The following TMEM67 variants were observed in gnomAD, a reference collection of about 807,000 sequenced individuals.
TMEM67 encodes transmembrane protein 67, also known as meckelin.
Under a neutral mutation model 136.6 loss-of-function variants are expected in TMEM67, and 124 were observed. The observed-to-expected ratio is 0.91, with a 90% CI of 0.78 to 1.05. TMEM67 has a LOEUF of 1.05. TMEM67 is among the 50% of genes least tolerant of loss of function. The pLI is 0.00. For synonymous variants in TMEM67, 364 were observed against 390.5 expected (o/e 0.93, Z 0.80); for missense variants, 1,107 against 1,178.4 (o/e 0.94, Z 0.89).
rs935172963 is a variant in TMEM67 at position 93,772,665 on chromosome 8, T to G, written c.714+14T>G. The G allele has an allele frequency of 6.2e-7, 1 of 1,601,272 alleles. No individual in the cohort carries two copies. Among genetic ancestry groups the G allele is most frequent in the African/African-American group, 1.3e-5 (1 of 74,586 alleles). On this transcript the variant is annotated intron_variant, in intron 7 of 27. Transcript: ENST00000453321. ...GCTGCATGTTGGGTAAGTTTGAATTTTTTAAATAAATTTCATTTTATTTTG... is the reference window on the plus strand; with the variant it reads ...GCTGCATGTTGGGTAAGTTTGAATTGTTTAAATAAATTTCATTTTATTTTG...
At chr8:93,813,261 C>T (rs1414267734) in intron 26 of TMEM67, among the ~76,000 whole-genome samples, 1 of 152,168 alleles carries the variant, frequency 6.6e-6, no homozygotes, top group East Asian at 1.9e-4. Context: ...TCACTGCAAC[C>T]TCCGCCTCCC....
At chr8:93,825,445 A>G in the TMEM67 span, among the ~76,000 whole-genome samples, 2 of 152,214 alleles carry the variant, frequency 1.3e-5, no homozygotes, top group Non-Finnish European at 2.9e-5. Context: ...CACCTTATTC[A>G]TGGTATTGTT....
chr8:93,772,384 C>T (rs1813365124), intron 6 of TMEM67, among the ~76,000 whole-genome samples: 1 of 152,026 alleles, frequency 6.6e-6, no homozygotes, highest in Non-Finnish European at 1.5e-5. Flanking sequence ...CATTTTGTCT[C>T]GTTATATCTT....
chr8:93,820,633 T>G (rs190033625), downstream of TMEM67, among the ~76,000 whole-genome samples: 257 of 152,312 alleles, frequency 1.7e-3, 1 homozygote, highest in African/African-American at 5.1e-3. Flanking sequence ...GTAAAAGAGA[T>G]AAATAGTACC....
chr8:93,810,640 A>G (rs1017463628), intron 26 of TMEM67, among the ~76,000 whole-genome samples: 4 of 152,186 alleles, frequency 2.6e-5, no homozygotes, highest in Non-Finnish European at 4.4e-5. Context: ...AGTTAACCTC[A>G]TGAATTCTTT....
chr8:93,787,971 GC>G (rs772494610), intron 14 of TMEM67, 22 bp downstream of exon 14: 7 of 1,515,216 alleles, frequency 4.6e-6, no homozygotes, highest in Non-Finnish European at 6.4e-6. Flanking sequence ...ACTTATTAGT[GC>G]CCTTGTATGT....
downstream of TMEM67, among the ~76,000 whole-genome samples, chr8:93,819,677 C>CA (rs544071058): frequency 7.5e-4 from 112 of 150,098 alleles, no homozygotes; most frequent in Admixed American, 1.4e-3. Flanking sequence ...TTAAGATAAA[C>CA]AAAAAAAAAC....
chr8:93,825,559 A>G, the TMEM67 span, among the ~76,000 whole-genome samples: 1 of 152,202 alleles, frequency 6.6e-6, no homozygotes, highest in African/African-American at 2.4e-5. Context: ...ATGAAGCATA[A>G]TAGAAGGAAC....
At chr8:93,772,496 C>A in intron 6 of TMEM67, 93 bp from the exon 7 acceptor site, 1 of 916,142 alleles carries the variant, frequency 1.1e-6, no homozygotes, top group Non-Finnish European at 1.8e-6. Context: ...TTTCTACTAA[C>A]ATTGTGAAAG....
At chr8:93,774,060 G>A (rs1046280301) in intron 7 of TMEM67, among the ~76,000 whole-genome samples, 1 of 151,102 alleles carries the variant, frequency 6.6e-6, no homozygotes, top group African/African-American at 2.4e-5. Context: ...TCACCCTGTT[G>A]CACAGGCTGG....
At chr8:93,818,620 A>C (rs917278073), downstream of TMEM67, among the ~76,000 whole-genome samples, 3 of 152,176 alleles carry the variant, frequency 2.0e-5, no homozygotes, top group Non-Finnish European at 4.4e-5. Context: ...GCTTAATGGA[A>C]AGTGCTCCAA....
rs774421791 is a variant in TMEM67 at position 93,759,997 on chromosome 8, A to G, written c.406+1421A>G. The G allele has an allele frequency of 1.1e-5, 16 of 1,513,264 alleles. No homozygotes were observed. The South Asian group carries it at 1.8e-4, about 17-fold the overall frequency. The allele number at this position is 1,513,264 out of a possible 1,614,324, so 93.7% of individuals were successfully genotyped here. A position where few individuals can be genotyped will look rare whatever the true frequency, so the allele number is the denominator to read the frequency against. On this transcript the variant is annotated intron_variant, in intron 3 of 27. Coordinates refer to ENST00000453321, the MANE Select transcript of TMEM67 (RefSeq NM_153704.6). ...TACAACATAATTGAAGAAATTTGTG[A>G]GTATTACTGAGGGATATGAAGGCAG...
the TMEM67 span, among the ~76,000 whole-genome samples, chr8:93,826,990 C>T: frequency 2.0e-5 from 3 of 152,030 alleles, no homozygotes; most frequent in African/African-American, 7.2e-5. Flanking sequence ...CCACCACGCC[C>T]AGCTAATTTT....
chr8:93,787,806 AT>A, intron 13 of TMEM67, 37 bp from the exon 14 acceptor site: 16 of 1,454,748 alleles, frequency 1.1e-5, no homozygotes, highest in Non-Finnish European at 1.4e-5. Flanking sequence ...AAAGGCCCGG[AT>A]ATACTGATTA....
chr8:93,772,593 T>C lies in TMEM67; in HGVS notation c.656T>C (p.Met219Thr), dbSNP rs771300014. 5.0e-6 allele frequency: 8 copies of C among 1,611,970 alleles called. No homozygotes were observed. The highest frequency in any genetic ancestry group is 3.3e-4 in the Middle Eastern group (2 of 6,050). The change falls in exon 7 of 28, where the codon ATG (methionine) becomes ACG (threonine). Residue 219 changes from methionine (M) to threonine (T), a missense_variant. Transcript: ENST00000453321. ...AATGTATCTTTTTGTTTACAGGGCATGTCTTTAACTTCAGAATGGTTTGCA... is the reference window on the plus strand; with the variant it reads ...AATGTATCTTTTTGTTTACAGGGCACGTCTTTAACTTCAGAATGGTTTGCA... ...ISAARYGEVG[M>T]SLTSEWFAKY...
At position 93,815,315 on chromosome 8, in the gene TMEM67, T is replaced by A; in HGVS notation, c.2775T>A (p.Tyr925Ter). The change falls in exon 27 of 28, where the codon TAT (tyrosine) becomes TAA (stop). Residue 925 changes from tyrosine to a stop codon, truncating the protein, a stop_gained. Coordinates refer to ENST00000453321, the MANE Select transcript of TMEM67 (RefSeq NM_153704.6). LOFTEE classifies it high-confidence loss of function. Reference protein sequence around the residue: ...EKSIFYNDEGYSFSSVLYYGN... With the variant: ...EKSIFYNDEG The stretch of plus-strand genomic sequence containing the variant: ...AAATTTTTTTAATAGATGAAGGTTA[T>A]TCTTTCAGCAGTGTCCTGTATTATG... 1 of 1,571,336 alleles carries A rather than the reference T, an allele frequency of 6.4e-7. No individual in the cohort carries two copies. Among genetic ancestry groups the A allele is most frequent in the East Asian group, 2.3e-5 (1 of 44,132 alleles).
At chr8:93,818,852 G>A (rs1200394142), downstream of TMEM67, 1 of 308,732 alleles carries the variant, frequency 3.2e-6, no homozygotes, top group African/African-American at 2.2e-5. Flanking sequence ...ACCCAGGTTG[G>A]AATGCAGTGG....
intron 10 of TMEM67, among the ~76,000 whole-genome samples, chr8:93,781,979 C>T (rs769065300): frequency 1.3e-5 from 2 of 151,316 alleles, no homozygotes; most frequent in Non-Finnish European, 1.5e-5. Flanking sequence ...AGTGCAGTGG[C>T]GCGATCTCAG....
chr8:93,801,423 CAG>C (rs1814865665), intron 21 of TMEM67, among the ~76,000 whole-genome samples: 1 of 147,006 alleles, frequency 6.8e-6, no homozygotes, highest in Non-Finnish European at 1.5e-5. Context: ...TTTTTTGAGA[CAG>C]AGTTTCACTC....
Sources: allele counts gnomAD v4.1 joint callset (sites outside exome capture counted in the v4.1 genomes callset), GRCh38; gene constraint gnomAD v4.1.1; transcripts MANE v1.5; gene names NCBI Gene and HGNC (gene_info 2026-07-23, HGNC 2026-07-21).